GRAP2: variants seen among roughly 807,000 people sequenced by gnomAD.
The protein encoded by GRAP2 is GRB2 related adaptor protein 2, also known as GRB2-related adapter protein 2.
A neutral mutation model predicts 43.5 loss-of-function variants in GRAP2; 31 were observed. The ratio of observed to expected loss-of-function variants is 0.71; its 90% CI spans 0.54 to 0.96. The LOEUF is 0.96. Ranked by LOEUF, GRAP2 falls within the 40% of genes least tolerant of loss-of-function variation. GRAP2 has a pLI of 0.00. For missense variants in GRAP2, 371 were observed against 424.4 expected, an observed-to-expected ratio of 0.87 and a Z score of 1.11; for synonymous variants, 156 against 164.8, an observed-to-expected ratio of 0.95 and a Z score of 0.41.
At chr22:39,921,023 C>T (rs947709778) in intron 1 of GRAP2, among the ~76,000 whole-genome samples, 2 of 151,678 alleles carry the variant, frequency 1.3e-5, no homozygotes, top group Non-Finnish European at 2.9e-5. Flanking sequence ...GAGCTGGTTG[C>T]CCTGGCAATG....
At chr22:39,946,957 C>A in intron 1 of GRAP2, 136 bp from the exon 2 acceptor site, 1 of 651,218 alleles carries the variant, frequency 1.5e-6, no homozygotes, top group Non-Finnish European at 2.8e-6. Context: ...TTGTTGTGTG[C>A]CTGAGCCTTG....
intron 1 of GRAP2, among the ~76,000 whole-genome samples, chr22:39,916,042 C>T (rs547948124): frequency 6.6e-6 from 1 of 152,312 alleles, no homozygotes; most frequent in South Asian, 2.1e-4. Context: ...GCCACCTTCC[C>T]AAATCCTAGC....
At chr22:39,947,614 A>C (rs2066937585) in intron 2 of GRAP2, 1 of 166,994 alleles carries the variant, frequency 6.0e-6, no homozygotes, top group Non-Finnish European at 1.3e-5. Flanking sequence ...TGCAGGGAGC[A>C]GCGCCAGGCT....
chr22:39,959,138 G>T (rs1290405812), intron 3 of GRAP2, among the ~76,000 whole-genome samples: 1 of 152,208 alleles, frequency 6.6e-6, no homozygotes, highest in Non-Finnish European at 1.5e-5. Context: ...TTTGGCCGCT[G>T]AGTGATTGCA....
intron 5 of GRAP2, among the ~76,000 whole-genome samples, chr22:39,967,334 C>T (rs1264936911): frequency 6.6e-6 from 1 of 152,186 alleles, no homozygotes; most frequent in Non-Finnish European, 1.5e-5. Context: ...GAGGTATTAA[C>T]TCACTAGGAT....
intron 2 of GRAP2, among the ~76,000 whole-genome samples, chr22:39,951,837 T>C (rs1450186765): frequency 6.6e-6 from 1 of 151,910 alleles, no homozygotes; most frequent in South Asian, 2.1e-4. Flanking sequence ...CTTCTATACA[T>C]GGTAAAGAGC....
At chr22:39,968,876 T>C (rs1280921995) in intron 6 of GRAP2, among the ~76,000 whole-genome samples, 1 of 152,188 alleles carries the variant, frequency 6.6e-6, no homozygotes, top group African/African-American at 2.4e-5. Context: ...CCACGCTGCC[T>C]TAGTTACCCG....
intron 5 of GRAP2, 47 bp from the exon 6 acceptor site, chr22:39,967,995 G>A (rs775033683): frequency 1.1e-5 from 18 of 1,584,160 alleles, no homozygotes; most frequent in Admixed American, 1.7e-5. Context: ...AGGGCCAGAC[G>A]ATCAGAGAGG....
intron 1 of GRAP2, among the ~76,000 whole-genome samples, chr22:39,934,901 C>T (rs921243682): frequency 6.6e-6 from 1 of 152,110 alleles, no homozygotes; most frequent in Non-Finnish European, 1.5e-5. Flanking sequence ...AAAAACCAGC[C>T]AACAGTGTAA....
intron 1 of GRAP2, among the ~76,000 whole-genome samples, chr22:39,920,048 A>G (rs1048431049): frequency 2.6e-5 from 4 of 152,238 alleles, no homozygotes; most frequent in African/African-American, 9.6e-5. Context: ...CAAAAAAGCA[A>G]GTGCTTTTCC....
intron 1 of GRAP2, among the ~76,000 whole-genome samples, chr22:39,920,787 A>G (rs935011851): frequency 1.3e-5 from 2 of 152,098 alleles, no homozygotes; most frequent in Non-Finnish European, 2.9e-5. Flanking sequence ...CAGGTCTTAT[A>G]AATACACACA....
chr22:39,961,141 A>T (rs975719693), intron 4 of GRAP2, among the ~76,000 whole-genome samples: 2 of 151,948 alleles, frequency 1.3e-5, no homozygotes, highest in African/African-American at 4.8e-5. Context: ...CTTTGTAGAG[A>T]CTAGGTCTTA....
At chr22:39,964,495 G>T in intron 4 of GRAP2, 1 of 1,035,598 alleles carries the variant, frequency 9.7e-7, no homozygotes, top group Non-Finnish European at 1.5e-6. Flanking sequence ...GAAGAAACTC[G>T]AGGTGCTAAA....
rs780595422 is a variant in GRAP2 at position 39,901,257 on chromosome 22, C to T, written c.-88C>T. On this transcript the variant is annotated 5_prime_UTR_variant, in exon 1 of 8. Coordinates refer to ENST00000344138, the MANE Select transcript of GRAP2 (RefSeq NM_004810.4). ...AACTCTGATGCTTGAATTTGTCTCC[C>T]TTCTTGCCAGAAAGGATTCTAATAA... 3.1e-6 allele frequency: 4 copies of T among 1,275,612 alleles called. No individual in the cohort carries two copies. The South Asian group carries it at 5.0e-5, about 16-fold the overall frequency. The allele number at this position is 1,275,612 out of a possible 1,614,324, so 79.0% of individuals were successfully genotyped here. A position where few individuals can be genotyped will look rare whatever the true frequency, so the allele number is the denominator to read the frequency against.
At chr22:39,950,198 G>A (rs764767692) in intron 2 of GRAP2, among the ~76,000 whole-genome samples, 6 of 151,968 alleles carry the variant, frequency 3.9e-5, no homozygotes, top group Non-Finnish European at 8.8e-5. Flanking sequence ...TGGAAACCTC[G>A]CTGGTCCTCT....
At chr22:39,926,202 G>A (rs1208639259) in intron 1 of GRAP2, among the ~76,000 whole-genome samples, 2 of 152,124 alleles carry the variant, frequency 1.3e-5, no homozygotes, top group African/African-American at 2.4e-5. Context: ...TGTCTTTTTG[G>A]TATATTCATT....
Position 39,970,995 on chromosome 22 carries a change from G to T in GRAP2, c.904G>T (p.Asp302Tyr). 1 of 1,613,722 alleles carries T rather than the reference G, an allele frequency of 6.2e-7. No individual in the cohort carries two copies. The highest frequency in any genetic ancestry group is 8.5e-7 in the Non-Finnish European group (1 of 1,179,804). The change falls in exon 8 of 8, where the codon GAT becomes TAT. Residue 302 changes from aspartate to tyrosine, a missense_variant. Asp to Tyr is a radical substitution (Grantham distance 160). Coordinates refer to ENST00000344138, the MANE Select transcript of GRAP2 (RefSeq NM_004810.4). ...CAGCGGGGAGGTGGTGGAGGTCCTG[G>T]ATAGCTCCAACCCATCCTGGTGGAC... ...FHSGEVVEVL[D>Y]SSNPSWWTGR...
chr22:39,957,891 A>G (rs1400530343), intron 3 of GRAP2, among the ~76,000 whole-genome samples: 1 of 152,064 alleles, frequency 6.6e-6, no homozygotes, highest in Non-Finnish European at 1.5e-5. Context: ...GACCATGATT[A>G]TATCACTGCA....
At chr22:39,903,834 G>A (rs950112271) in intron 1 of GRAP2, among the ~76,000 whole-genome samples, 21 of 152,168 alleles carry the variant, frequency 1.4e-4, no homozygotes, top group Admixed American at 5.9e-4. Flanking sequence ...TAACAAATAA[G>A]CATTTTACAA....
Sources: allele counts gnomAD v4.1 joint callset (sites outside exome capture counted in the v4.1 genomes callset), GRCh38; gene constraint gnomAD v4.1.1; transcripts MANE v1.5; gene names NCBI Gene and HGNC (gene_info 2026-07-23, HGNC 2026-07-21).